The following CDH13 variants were observed in gnomAD, a reference collection of about 807,000 sequenced individuals.
CDH13 encodes the protein cadherin-13.
Under a neutral mutation model 63.8 loss-of-function variants are expected in CDH13, and 24 were observed. The observed-to-expected ratio is 0.38, with a 90% CI of 0.27 to 0.53. The LOEUF is 0.53. Ranked by LOEUF, CDH13 falls within the 20% of genes least tolerant of loss-of-function variation. The pLI, the probability that CDH13 is intolerant of heterozygous loss-of-function variation, is 0.85. For synonymous variants in CDH13, 503 were observed against 355.3 expected (o/e 1.42, Z -4.67); for missense variants, 1,049 against 903.1 (o/e 1.16, Z -2.07).
chr16:83,005,444 A>G (rs1913387996), intron 2 of CDH13, among the ~76,000 whole-genome samples: 1 of 152,128 alleles, frequency 6.6e-6, no homozygotes, highest in Admixed American at 6.6e-5. Flanking sequence ...CGGTACTTCC[A>G]TGATTCAGTG....
rs79203067 is a variant in CDH13 at position 82,643,030 on chromosome 16, G to C, written c.45+15893G>C. Among the ~76,000 whole-genome samples the C allele has an allele frequency of 9.3e-3, 1,415 of 152,302 alleles. 21 individuals carry two copies. Among genetic ancestry groups the C allele is most frequent in the African/African-American group, 0.032 (1,310 of 41,562 alleles). On this transcript the variant is annotated intron_variant, in intron 1 of 13. Coordinates refer to ENST00000567109, the MANE Select transcript of CDH13 (RefSeq NM_001257.5). ...AAATCCAGAGACAGAAAGCAGATTA[G>C]AAGATGTCTAGGGCTGGGGGCAGGA...
chr16:83,104,706 G>A (rs534710752), intron 3 of CDH13, among the ~76,000 whole-genome samples: 9 of 152,224 alleles, frequency 5.9e-5, no homozygotes, highest in East Asian at 1.9e-4. Context: ...AATTTCAGTC[G>A]TAGGAGATAT....
intron 1 of CDH13, among the ~76,000 whole-genome samples, chr16:82,788,270 T>C (rs2036120636): frequency 6.6e-6 from 1 of 152,170 alleles, no homozygotes; most frequent in Non-Finnish European, 1.5e-5. Context: ...CATGGGATGG[T>C]TGGGATGGTT....
intron 12 of CDH13, among the ~76,000 whole-genome samples, chr16:83,782,704 C>G (rs1915610316): frequency 1.3e-5 from 2 of 150,508 alleles, no homozygotes; most frequent in African/African-American, 4.9e-5. Flanking sequence ...CCACTGCACT[C>G]CAGGCTGGGC....
chr16:83,520,522 G>A (rs903486367), intron 7 of CDH13, among the ~76,000 whole-genome samples: 1 of 152,108 alleles, frequency 6.6e-6, no homozygotes, highest in African/African-American at 2.4e-5. Context: ...TGAATATTGT[G>A]AATAATATGT....
chr16:83,586,565 C>G (rs117070339), intron 7 of CDH13, among the ~76,000 whole-genome samples: 2 of 152,186 alleles, frequency 1.3e-5, no homozygotes, highest in African/African-American at 2.4e-5. Context: ...TTGTTCCTTG[C>G]TCTGCTAACG....
intron 7 of CDH13, among the ~76,000 whole-genome samples, chr16:83,560,340 C>T (rs1309258044): frequency 6.6e-6 from 1 of 152,152 alleles, no homozygotes; most frequent in Non-Finnish European, 1.5e-5. Flanking sequence ...ACTACTCAGC[C>T]TTTAAAAAGG....
At chr16:83,290,674 T>G (rs2089444610) in intron 5 of CDH13, among the ~76,000 whole-genome samples, 1 of 152,186 alleles carries the variant, frequency 6.6e-6, no homozygotes, top group African/African-American at 2.4e-5. Flanking sequence ...CTACACAGTG[T>G]GAATGAGATC....
intron 3 of CDH13, among the ~76,000 whole-genome samples, chr16:83,094,581 T>C (rs80243197): frequency 0.066 from 10,120 of 152,204 alleles, 536 homozygotes; most frequent in African/African-American, 0.14. Flanking sequence ...AGGTGCTGTC[T>C]TCAGCAGAAG....
At chr16:83,402,962 C>A (rs778694370) in intron 6 of CDH13, among the ~76,000 whole-genome samples, 7 of 152,102 alleles carry the variant, frequency 4.6e-5, no homozygotes, top group Non-Finnish European at 1.0e-4. Flanking sequence ...CTACAATCTG[C>A]CCTTCAGGAG....
intron 6 of CDH13, among the ~76,000 whole-genome samples, chr16:83,480,090 C>A (rs887192742): frequency 1.3e-5 from 2 of 152,158 alleles, no homozygotes; most frequent in African/African-American, 4.8e-5. Context: ...TTTGGGAGGA[C>A]AACGTGGGCA....
At chr16:83,625,057 A>C (rs1416816052) in intron 8 of CDH13, among the ~76,000 whole-genome samples, 1 of 152,176 alleles carries the variant, frequency 6.6e-6, no homozygotes, top group Non-Finnish European at 1.5e-5. Flanking sequence ...AAATGGACAC[A>C]AGCTACAAAT....
chr16:83,604,764 C>T (rs918041673), intron 8 of CDH13, among the ~76,000 whole-genome samples: 10 of 152,220 alleles, frequency 6.6e-5, no homozygotes, highest in African/African-American at 2.4e-4. Context: ...ACGATGGGAA[C>T]AAAAATAGGA....
rs745424341 is a variant in CDH13 at position 83,726,949 on chromosome 16, C to T, written c.1539-21159C>T. On this transcript the variant is annotated intron_variant, in intron 10 of 13. Transcript: ENST00000567109. Reference sequence around the variant, plus strand: ...TGTGCCTTGTTTTGTTCTGTTTTAGCAGCCCTGGAAATCATGGATACCTCC... The same window carrying T: ...TGTGCCTTGTTTTGTTCTGTTTTAGTAGCCCTGGAAATCATGGATACCTCC... Among the ~76,000 whole-genome samples the T allele has an allele frequency of 5.7e-4, 86 of 152,142 alleles. 1 individual carries two copies. The highest frequency in any genetic ancestry group is 9.0e-4 in the Non-Finnish European group (61 of 68,030).
intron 2 of CDH13, among the ~76,000 whole-genome samples, chr16:83,005,431 G>A (rs1913385592): frequency 6.6e-6 from 1 of 152,146 alleles, no homozygotes; most frequent in African/African-American, 2.4e-5. Flanking sequence ...TTAGCTGCAG[G>A]CACGGTACTT....
At chr16:83,102,006 T>C (rs552301641) in intron 3 of CDH13, among the ~76,000 whole-genome samples, 34 of 152,178 alleles carry the variant, frequency 2.2e-4, no homozygotes, top group Non-Finnish European at 3.7e-4. Flanking sequence ...TTTTGGATTA[T>C]GTTGATGGGT....
At chr16:83,595,215 G>A (rs757778856) in intron 7 of CDH13, among the ~76,000 whole-genome samples, 30 of 152,308 alleles carry the variant, frequency 2.0e-4, no homozygotes, top group Middle Eastern at 3.4e-3. Context: ...CTGCAGTTCC[G>A]CAAAGTATAA....
At chr16:83,266,739 G>A (rs1166109442) in intron 5 of CDH13, among the ~76,000 whole-genome samples, 1 of 152,180 alleles carries the variant, frequency 6.6e-6, no homozygotes, top group Non-Finnish European at 1.5e-5. Context: ...ATCACAACCT[G>A]TGGCTGTCTT....
intron 1 of CDH13, among the ~76,000 whole-genome samples, chr16:82,675,900 A>G (rs1913843429): frequency 6.6e-6 from 1 of 152,184 alleles, no homozygotes; most frequent in Non-Finnish European, 1.5e-5. Context: ...CCTAGACCAT[A>G]TCCTTGGGAG....
Sources: gnomAD v4.1 joint callset for allele counts (sites outside exome capture counted in the v4.1 genomes callset) on GRCh38, gnomAD v4.1.1 for gene constraint, MANE v1.5 for transcripts, NCBI Gene and HGNC (gene_info 2026-07-23, HGNC 2026-07-21) for gene names.